PITPNC1: variants seen among roughly 807,000 people sequenced by gnomAD.
PITPNC1 encodes cytoplasmic phosphatidylinositol transfer protein 1.
Under a neutral mutation model 44.7 loss-of-function variants are expected in PITPNC1, and 18 were observed. That is an observed-to-expected ratio of 0.40 (90% CI 0.28 to 0.60). The LOEUF is 0.60. Among genes scored for constraint, PITPNC1 ranks in the 20% least tolerant of loss-of-function variants. The pLI, the probability that PITPNC1 is intolerant of heterozygous loss-of-function variation, is 0.39. For synonymous variants in PITPNC1, 141 were observed against 149.6 expected, an observed-to-expected ratio of 0.94 and a Z score of 0.42; for missense variants, 290 against 418.4, an observed-to-expected ratio of 0.69 and a Z score of 2.68.
intron 5 of PITPNC1, among the ~76,000 whole-genome samples, chr17:67,619,274 A>G (rs1169618602): frequency 1.3e-5 from 2 of 152,248 alleles, no homozygotes; most frequent in African/African-American, 2.4e-5. Context: ...CTAAACTCCT[A>G]TCTTGCCAGC....
intron 2 of PITPNC1, among the ~76,000 whole-genome samples, chr17:67,534,741 A>G (rs2040505773): frequency 6.6e-6 from 1 of 152,224 alleles, no homozygotes; most frequent in Non-Finnish European, 1.5e-5. Context: ...TACGTCAGCC[A>G]TTTCATGAAT....
chr17:67,427,864 T>C (rs975641290), intron 1 of PITPNC1, among the ~76,000 whole-genome samples: 18 of 152,228 alleles, frequency 1.2e-4, no homozygotes, highest in Admixed American at 3.3e-4. Flanking sequence ...TTCCAACTCT[T>C]GATATGATCA....
intron 2 of PITPNC1, among the ~76,000 whole-genome samples, chr17:67,536,717 A>G (rs1044634080): frequency 3.3e-4 from 50 of 152,184 alleles, no homozygotes; most frequent in Admixed American, 3.2e-3. Context: ...AATAAAATGA[A>G]ATGTCAGATA....
chr17:67,519,904 A>G (rs996902253), intron 1 of PITPNC1, among the ~76,000 whole-genome samples: 7 of 152,182 alleles, frequency 4.6e-5, no homozygotes, highest in Non-Finnish European at 8.8e-5. Context: ...ACCCTCAAAT[A>G]TCACTGAGAT....
rs373413277 is a variant in PITPNC1, at chr17:67,523,935, C to A, written c.49-8867C>A. Reference sequence around the variant, plus strand: ...CAAGTGATTCTCCTGCCTCAGCCTCCTGAGTACCTGGGATTACAGGTGCCT... The same window carrying A: ...CAAGTGATTCTCCTGCCTCAGCCTCATGAGTACCTGGGATTACAGGTGCCT... On this transcript the variant is annotated intron_variant, in intron 1 of 8. Transcript: ENST00000581322. Among the ~76,000 whole-genome samples the A allele has an allele frequency of 6.6e-5, 10 of 151,758 alleles. No individual in the cohort carries two copies. The East Asian group carries it at 9.7e-4, about 15-fold the overall frequency.
intron 1 of PITPNC1, among the ~76,000 whole-genome samples, chr17:67,498,672 A>G (rs1037856552): frequency 1.7e-4 from 26 of 152,160 alleles, no homozygotes; most frequent in African/African-American, 5.3e-4. Context: ...ATGGTGTGCA[A>G]TGATTCCAGT....
intron 6 of PITPNC1, chr17:67,637,652 G>A (rs1039651008): frequency 1.3e-5 from 2 of 152,206 alleles, no homozygotes; most frequent in East Asian, 1.9e-4. Context: ...CCCTCTGCCC[G>A]ATGGCCCTCG....
intron 1 of PITPNC1, among the ~76,000 whole-genome samples, chr17:67,519,522 A>G (rs1168157207): frequency 6.6e-6 from 1 of 152,186 alleles, no homozygotes; most frequent in Non-Finnish European, 1.5e-5. Context: ...GAAATATACC[A>G]AACTTACTGT....
At chr17:67,614,128 G>T (rs1305675969) in intron 5 of PITPNC1, among the ~76,000 whole-genome samples, 2 of 151,354 alleles carry the variant, frequency 1.3e-5, no homozygotes, top group Non-Finnish European at 2.9e-5. Flanking sequence ...AGAGCGCTAG[G>T]CTTGTGGGTG....
At chr17:67,659,938 GGC>G (rs2042319362) in intron 6 of PITPNC1, among the ~76,000 whole-genome samples, 4 of 151,924 alleles carry the variant, frequency 2.6e-5, no homozygotes, top group Non-Finnish European at 5.9e-5. Flanking sequence ...GCAGTGCAGT[GGC>G]GCAATCTCAG....
intron 1 of PITPNC1, among the ~76,000 whole-genome samples, chr17:67,437,171 C>T (rs532905528): frequency 1.5e-4 from 23 of 152,026 alleles, no homozygotes; most frequent in Non-Finnish European, 2.9e-4. Flanking sequence ...CCACCTGCCT[C>T]GGCCTCCTAA....
At chr17:67,388,331 T>G (rs1038981791) in intron 1 of PITPNC1, among the ~76,000 whole-genome samples, 2 of 150,838 alleles carry the variant, frequency 1.3e-5, no homozygotes, top group Admixed American at 1.3e-4. Flanking sequence ...TTTTCGTGTT[T>G]TTTTTTTTTT....
chr17:67,638,360 C>T (rs1260431293), intron 6 of PITPNC1: 1 of 152,236 alleles, frequency 6.6e-6, no homozygotes, highest in East Asian at 1.9e-4. Flanking sequence ...GGCTTCTAGT[C>T]AAGTTCAAGT....
intron 6 of PITPNC1, among the ~76,000 whole-genome samples, chr17:67,647,484 T>TG (rs2042165166): frequency 2.6e-4 from 32 of 121,524 alleles, no homozygotes; most frequent in Admixed American, 6.3e-4. Flanking sequence ...TTTTTTTTTT[T>TG]TTTTTTTTTG....
chr17:67,594,700 C>T (rs1021727383), intron 5 of PITPNC1, among the ~76,000 whole-genome samples: 3 of 152,146 alleles, frequency 2.0e-5, no homozygotes, highest in African/African-American at 7.2e-5. Flanking sequence ...AGTTAATCAT[C>T]AACAGAACCG....
intron 1 of PITPNC1, among the ~76,000 whole-genome samples, chr17:67,399,046 GCT>G (rs942095510): frequency 7.5e-6 from 1 of 133,866 alleles, no homozygotes; most frequent in Admixed American, 8.4e-5. Context: ...ACGCAGTCGC[GCT>G]CTGTTTCCCA....
chr17:67,379,513 T>G, intron 1 of PITPNC1: 3 of 340,526 alleles, frequency 8.8e-6, no homozygotes, highest in Non-Finnish European at 1.2e-5. Flanking sequence ...ACAACCGAGT[T>G]TTGGAGTTCG....
At chr17:67,533,536 A>G (rs987283304) in intron 2 of PITPNC1, among the ~76,000 whole-genome samples, 2 of 152,218 alleles carry the variant, frequency 1.3e-5, no homozygotes, top group South Asian at 2.1e-4. Context: ...ACTTTGTCTC[A>G]TCCCTTGGTT....
intron 1 of PITPNC1, among the ~76,000 whole-genome samples, chr17:67,456,166 C>A (rs1440705142): frequency 6.6e-6 from 1 of 152,172 alleles, no homozygotes; most frequent in Non-Finnish European, 1.5e-5. Context: ...ACCAGTTGAT[C>A]CTAATGATGC....
Sources: gnomAD v4.1 joint callset for allele counts (sites outside exome capture counted in the v4.1 genomes callset) on GRCh38, gnomAD v4.1.1 for gene constraint, MANE v1.5 for transcripts, NCBI Gene and HGNC (gene_info 2026-07-23, HGNC 2026-07-21) for gene names.